NRXN3: variants seen among roughly 807,000 people sequenced by gnomAD.
The protein encoded by NRXN3 is neurexin 3, also known as neurexin III.
A neutral mutation model predicts 137.6 loss-of-function variants in NRXN3; 32 were observed. The ratio of observed to expected loss-of-function variants is 0.23; its 90% CI spans 0.18 to 0.31. The LOEUF is 0.31. Ranked by LOEUF, NRXN3 falls within the 10% of genes least tolerant of loss-of-function variation. NRXN3 has a pLI of 1.00. For synonymous variants in NRXN3, 798 were observed against 784.5 expected, an observed-to-expected ratio of 1.02 and a Z score of -0.29; for missense variants, 1,574 against 2,062.5, an observed-to-expected ratio of 0.76 and a Z score of 4.59.
chr14:78,528,220 G>A (rs890153448), intron 4 of NRXN3, among the ~76,000 whole-genome samples: 1 of 152,166 alleles, frequency 6.6e-6, no homozygotes, highest in African/African-American at 2.4e-5. Context: ...GCTTCTTTCT[G>A]TTATTTTCCT....
Position 78,998,599 on chromosome 14 carries a change from A to T in NRXN3, c.3262+10458A>T, listed in dbSNP as rs1015334531. Among the ~76,000 whole-genome samples the T allele has an allele frequency of 2.4e-4, 33 of 140,068 alleles. 1 individual carries two copies. The South Asian group carries it at 6.4e-3, about 27-fold the overall frequency. The allele number at this position is 140,068 out of a possible 152,430, so 91.9% of individuals were successfully genotyped here. ...GTTTCTGTTAGGAGGGCTACATTAA[A>T]TTTTTTTTTTTTTTTTTGAGAAGGA... is the stretch of plus-strand genomic sequence containing the variant. On this transcript the variant is annotated intron_variant, in intron 15 of 20. Transcript: ENST00000335750.
intron 4 of NRXN3, among the ~76,000 whole-genome samples, chr14:78,343,301 A>G (rs954702952): frequency 6.6e-6 from 1 of 152,172 alleles, no homozygotes; most frequent in Non-Finnish European, 1.5e-5. Context: ...TCACAGTTCT[A>G]TCTATGATGA....
intron 16 of NRXN3, among the ~76,000 whole-genome samples, chr14:79,531,875 G>C (rs1470322710): frequency 1.3e-5 from 2 of 152,162 alleles, no homozygotes; most frequent in Non-Finnish European, 2.9e-5. Flanking sequence ...TAAGGTAATA[G>C]ACATAACATA....
At chr14:78,811,614 A>G (rs1032523664) in intron 10 of NRXN3, among the ~76,000 whole-genome samples, 8 of 152,340 alleles carry the variant, frequency 5.3e-5, no homozygotes, top group Non-Finnish European at 1.0e-4. Flanking sequence ...CACTAGGAAA[A>G]ATCCAACTTT....
intron 10 of NRXN3, among the ~76,000 whole-genome samples, chr14:78,847,511 C>T (rs1443145857): frequency 2.6e-5 from 4 of 152,030 alleles, no homozygotes; most frequent in Non-Finnish European, 5.9e-5. Flanking sequence ...TCAGCATCTC[C>T]AGGAGAAGGA....
At chr14:78,708,973 A>C (rs1456069478) in intron 6 of NRXN3, among the ~76,000 whole-genome samples, 1 of 152,232 alleles carries the variant, frequency 6.6e-6, no homozygotes. Flanking sequence ...TTCTGACAAC[A>C]CAAGAAATTG....
chr14:79,082,023 C>CATATATGTTTCATACATATGTGTATACAT (rs1423383658), intron 15 of NRXN3, among the ~76,000 whole-genome samples: 57 of 151,770 alleles, frequency 3.8e-4, no homozygotes, highest in Non-Finnish European at 7.4e-4. Flanking sequence ...AATATATAAA[C>CATATATGTTTCATACATATGTGTATACAT]ATATATGTTT....
intron 10 of NRXN3, among the ~76,000 whole-genome samples, chr14:78,848,442 G>A (rs2099033608): frequency 6.6e-6 from 1 of 152,150 alleles, no homozygotes; most frequent in South Asian, 2.1e-4. Flanking sequence ...CTGGCGGCTG[G>A]CATGCAGAAA....
chr14:78,448,915 A>G (rs956025709), intron 4 of NRXN3, among the ~76,000 whole-genome samples: 4 of 152,212 alleles, frequency 2.6e-5, no homozygotes, highest in Non-Finnish European at 5.9e-5. Context: ...GAGATGGGAC[A>G]GAAGTGTCTC....
chr14:79,556,819 G>C (rs1313916532), intron 16 of NRXN3, among the ~76,000 whole-genome samples: 1 of 152,160 alleles, frequency 6.6e-6, no homozygotes, highest in Non-Finnish European at 1.5e-5. Flanking sequence ...GCCTCCTAAA[G>C]TTCTGGGATT....
chr14:79,116,563 C>T (rs984804075), intron 15 of NRXN3, among the ~76,000 whole-genome samples: 1 of 152,148 alleles, frequency 6.6e-6, no homozygotes, highest in Non-Finnish European at 1.5e-5. Context: ...GAGTGGATGC[C>T]TTCTTCATTT....
chr14:78,350,376 T>G (rs2083323750), intron 4 of NRXN3, among the ~76,000 whole-genome samples: 1 of 151,718 alleles, frequency 6.6e-6, no homozygotes, highest in Admixed American at 6.6e-5. Flanking sequence ...CAGGAAAGAT[T>G]GCTGAGCCCA....
intron 19 of NRXN3, among the ~76,000 whole-genome samples, chr14:79,725,069 G>T (rs2098875611): frequency 6.6e-6 from 1 of 152,162 alleles, no homozygotes; most frequent in Non-Finnish European, 1.5e-5. Flanking sequence ...AGACCTTCAA[G>T]AATCGCGTGC....
chr14:79,388,279 G>T (rs956426680), intron 15 of NRXN3, among the ~76,000 whole-genome samples: 1 of 151,972 alleles, frequency 6.6e-6, no homozygotes, highest in African/African-American at 2.4e-5. Context: ...TATTCAGCCT[G>T]CAGAACCAAC....
chr14:79,514,474 T>C (rs1306396178), intron 16 of NRXN3, among the ~76,000 whole-genome samples: 1 of 152,164 alleles, frequency 6.6e-6, no homozygotes, highest in Admixed American at 6.5e-5. Context: ...CTGATCCTGC[T>C]CTACAGCAGA....
At chr14:79,360,738 G>A (rs988796934) in intron 15 of NRXN3, among the ~76,000 whole-genome samples, 5 of 152,084 alleles carry the variant, frequency 3.3e-5, no homozygotes, top group African/African-American at 1.2e-4. Flanking sequence ...AAACATAGGA[G>A]GCAAGAAATT....
In NRXN3 at chr14:79,718,354, A is replaced by G. The variant is rs138631450; in HGVS notation, c.4014+20417A>G. On this transcript the variant is annotated intron_variant, in intron 19 of 20. Transcript: ENST00000335750. ...ATCTGGTGTGAGGTAAGATCTGAGA[A>G]GTGGCAGGGACTGAAACAGACAGGG... Among the ~76,000 whole-genome samples, 32 of 152,306 alleles carry G rather than the reference A, an allele frequency of 2.1e-4. 1 individual carries two copies. The East Asian group carries it at 5.8e-3, about 28-fold the overall frequency.
intron 4 of NRXN3, among the ~76,000 whole-genome samples, chr14:78,448,145 G>A (rs369225161): frequency 4.6e-5 from 7 of 152,142 alleles, no homozygotes; most frequent in African/African-American, 1.7e-4. Flanking sequence ...CTCCTAGATA[G>A]TCTATCATCT....
chr14:79,374,547 A>G (rs1174406882), intron 15 of NRXN3, among the ~76,000 whole-genome samples: 1 of 151,948 alleles, frequency 6.6e-6, no homozygotes, highest in African/African-American at 2.4e-5. Context: ...AATGTGGCTT[A>G]CTTTCCAATC....
Sources: gnomAD v4.1 joint callset for allele counts (sites outside exome capture counted in the v4.1 genomes callset) on GRCh38, gnomAD v4.1.1 for gene constraint, MANE v1.5 for transcripts, NCBI Gene and HGNC (gene_info 2026-07-23, HGNC 2026-07-21) for gene names.